The following SMG6 variants were observed in gnomAD, a reference collection of about 807,000 sequenced individuals.
SMG6 encodes the protein telomerase-binding protein EST1A.
A neutral mutation model predicts 142.2 loss-of-function variants in SMG6; 66 were observed. The observed-to-expected ratio is 0.46, with a 90% CI of 0.38 to 0.57. The LOEUF is 0.57. Among genes scored for constraint, SMG6 ranks in the 20% least tolerant of loss-of-function variants. SMG6 has a pLI of 0.00. For synonymous variants in SMG6, 779 were observed against 702.4 expected, an observed-to-expected ratio of 1.11 and a Z score of -1.72; for missense variants, 1,793 against 1,832.0, an observed-to-expected ratio of 0.98 and a Z score of 0.39.
At chr17:2,097,385 C>G (rs911545256) in intron 13 of SMG6, among the ~76,000 whole-genome samples, 2 of 152,068 alleles carry the variant, frequency 1.3e-5, no homozygotes, top group African/African-American at 4.8e-5. Context: ...ATCTGCTTGC[C>G]TCCGCCTCCC....
intron 13 of SMG6, among the ~76,000 whole-genome samples, chr17:2,125,990 G>A (rs2069865013): frequency 6.6e-6 from 1 of 151,094 alleles, no homozygotes; most frequent in South Asian, 2.1e-4. Context: ...AATCTTAAGG[G>A]ACCCCATACA....
intron 16 of SMG6, among the ~76,000 whole-genome samples, chr17:2,066,619 G>A (rs2067956932): frequency 2.1e-5 from 3 of 140,034 alleles, no homozygotes; most frequent in East Asian, 2.2e-4. Context: ...CTGGGTATTC[G>A]GAGACACTTT....
intron 13 of SMG6, among the ~76,000 whole-genome samples, chr17:2,118,761 AT>A (rs1219638586): frequency 1.3e-5 from 2 of 151,732 alleles, no homozygotes; most frequent in Non-Finnish European, 2.9e-5. Context: ...TGATTTTTTA[AT>A]TTTTTTGTAG....
chr17:2,070,609 G>A (rs1157806187), intron 15 of SMG6, among the ~76,000 whole-genome samples: 1 of 152,218 alleles, frequency 6.6e-6, no homozygotes, highest in Non-Finnish European at 1.5e-5. Context: ...AATGATGGGG[G>A]TGGCTTCTCT....
At chr17:2,138,615 C>T (rs1217748659) in intron 13 of SMG6, among the ~76,000 whole-genome samples, 2 of 152,148 alleles carry the variant, frequency 1.3e-5, no homozygotes, top group East Asian at 3.8e-4. Context: ...TATGAATCAG[C>T]AGATTCAGAG....
intron 13 of SMG6, among the ~76,000 whole-genome samples, chr17:2,100,285 G>A (rs542161091): frequency 5.3e-5 from 8 of 152,184 alleles, no homozygotes; most frequent in Non-Finnish European, 1.0e-4. Flanking sequence ...TGACTCGCCC[G>A]CCTCGGCCTT....
At position 2,278,370 on chromosome 17, in the gene SMG6, C is replaced by T. The variant is rs572121423; in HGVS notation, c.2661+4277G>A. Among the ~76,000 whole-genome samples the T allele has an allele frequency of 2.6e-5, 4 of 151,978 alleles. No individual in the cohort carries two copies. The South Asian group carries it at 8.3e-4, about 32-fold the overall frequency. ...GGCAGACACCACTATGCCCAGGTAA[C>T]TTTTTTGTATTTTTAGTACAGATGG... On this transcript the variant is annotated intron_variant, in intron 8 of 18. Coordinates refer to ENST00000263073, the MANE Select transcript of SMG6 (RefSeq NM_017575.5).
intron 17 of SMG6, 57 bp from the exon 18 acceptor site, chr17:2,065,211 G>A: frequency 7.0e-7 from 1 of 1,421,972 alleles, no homozygotes; most frequent in East Asian, 2.3e-5. Context: ...CCATGTGGAG[G>A]AGGAGGAGGG....
At chr17:2,303,286 G>C (rs2075326708) in intron 1 of SMG6, 2 of 1,094,358 alleles carry the variant, frequency 1.8e-6, no homozygotes, top group South Asian at 4.4e-5. Context: ...ATACGCCCGG[G>C]GCCTCCACCA....
intron 10 of SMG6, among the ~76,000 whole-genome samples, chr17:2,228,110 C>G (rs1326038521): frequency 6.6e-6 from 1 of 152,222 alleles, no homozygotes; most frequent in South Asian, 2.1e-4. Context: ...GTCACCCAGG[C>G]TGGAGTGCAG....
rs546856895 is a variant in SMG6 at position 2,248,061 on chromosome 17, A to G, written c.2662-3342T>C. Reference sequence around the variant, plus strand: ...GCGGAGGCTGCAGTGAGCCGAGATCACACCACTGCACTCCAGCCTGGGAGA... The same window carrying G: ...GCGGAGGCTGCAGTGAGCCGAGATCGCACCACTGCACTCCAGCCTGGGAGA... On this transcript the variant is annotated intron_variant, in intron 8 of 18. Coordinates refer to ENST00000263073, the MANE Select transcript of SMG6 (RefSeq NM_017575.5). Among the ~76,000 whole-genome samples the G allele has an allele frequency of 4.7e-4, 72 of 152,102 alleles. 2 individuals are homozygous for G. In the East Asian group the frequency reaches 0.013, roughly 28 times the overall value.
intron 15 of SMG6, among the ~76,000 whole-genome samples, chr17:2,070,623 A>G (rs1436684464): frequency 1.3e-5 from 2 of 152,120 alleles, no homozygotes; most frequent in Non-Finnish European, 2.9e-5. Flanking sequence ...CTTCTCTGTG[A>G]CCTGCCAGGG....
chr17:2,188,968 C>A (rs1204687911), intron 10 of SMG6, among the ~76,000 whole-genome samples: 1 of 152,216 alleles, frequency 6.6e-6, no homozygotes, highest in African/African-American at 2.4e-5. Flanking sequence ...CCACCCTGAA[C>A]GCGCCCGATC....
At chr17:2,202,288 C>T (rs1321883123) in intron 10 of SMG6, among the ~76,000 whole-genome samples, 1 of 152,116 alleles carries the variant, frequency 6.6e-6, no homozygotes, top group Non-Finnish European at 1.5e-5. Flanking sequence ...CAGACTCACA[C>T]CTGTAATCCT....
At chr17:2,125,839 G>A (rs952758260) in intron 13 of SMG6, among the ~76,000 whole-genome samples, 1 of 151,726 alleles carries the variant, frequency 6.6e-6, no homozygotes, top group African/African-American at 2.4e-5. Context: ...TGTAATCCCA[G>A]GTACTTGGGA....
intron 13 of SMG6, among the ~76,000 whole-genome samples, chr17:2,144,284 C>G (rs1355801089): frequency 6.6e-6 from 1 of 152,000 alleles, no homozygotes; most frequent in African/African-American, 2.4e-5. Flanking sequence ...CCAGGCTGGT[C>G]TCAAACTCCT....
At chr17:2,223,356 G>T (rs1024482305) in intron 10 of SMG6, among the ~76,000 whole-genome samples, 8 of 152,212 alleles carry the variant, frequency 5.3e-5, no homozygotes, top group Non-Finnish European at 1.5e-5. Flanking sequence ...CTGAACATAA[G>T]CTTCAAGATA....
intron 13 of SMG6, among the ~76,000 whole-genome samples, chr17:2,170,337 G>A (rs1004870203): frequency 6.6e-6 from 1 of 152,150 alleles, no homozygotes; most frequent in African/African-American, 2.4e-5. Context: ...TGATGAAGAT[G>A]GGGCGTAGGA....
chr17:2,095,645 C>T (rs1434748036), intron 13 of SMG6, among the ~76,000 whole-genome samples: 6 of 152,152 alleles, frequency 3.9e-5, no homozygotes, highest in Admixed American at 2.6e-4. Flanking sequence ...CGCCCCTCCC[C>T]GGCTGCCATG....
Sources: allele counts gnomAD v4.1 joint callset (sites outside exome capture counted in the v4.1 genomes callset), GRCh38; gene constraint gnomAD v4.1.1; transcripts MANE v1.5; gene names NCBI Gene and HGNC (gene_info 2026-07-23, HGNC 2026-07-21).